The following SEMA5A variants were observed in gnomAD, a reference collection of about 807,000 sequenced individuals.
SEMA5A encodes semaphorin 5A, also known as semaphorin-5A.
In SEMA5A, 55 loss-of-function variants were observed where a neutral mutation model predicts 135.5. The ratio of observed to expected loss-of-function variants is 0.41; its 90% confidence interval spans 0.33 to 0.51. The LOEUF is 0.51. SEMA5A is among the 20% of genes least tolerant of loss of function. The pLI, the probability that SEMA5A is intolerant of heterozygous loss-of-function variation, is 0.37. For missense variants in SEMA5A, 1,290 were observed against 1,419.9 expected (o/e 0.91, Z 1.47); for synonymous variants, 580 against 546.5 (o/e 1.06, Z -0.85).
At chr5:9,297,571 T>C (rs1751402408) in intron 5 of SEMA5A, among the ~76,000 whole-genome samples, 1 of 152,150 alleles carries the variant, frequency 6.6e-6, no homozygotes, top group Non-Finnish European at 1.5e-5. Context: ...TACTTGTTTT[T>C]GAGAGAGTAT....
chr5:9,050,195 G>A (rs999567486), intron 21 of SEMA5A, among the ~76,000 whole-genome samples: 13 of 152,282 alleles, frequency 8.5e-5, no homozygotes, highest in Admixed American at 6.5e-4. Flanking sequence ...TGCCCTGGAC[G>A]TGGGTCTACG....
At chr5:9,359,109 G>A (rs1410889481) in intron 3 of SEMA5A, among the ~76,000 whole-genome samples, 2 of 151,856 alleles carry the variant, frequency 1.3e-5, no homozygotes, top group Admixed American at 6.6e-5. Context: ...ACACACTCAC[G>A]GACACACACA....
chr5:9,058,722 T>A lies in SEMA5A; in HGVS notation c.2518+4165A>T, dbSNP rs1737025068. On this transcript the variant is annotated intron_variant, in intron 18 of 22. Transcript: ENST00000382496. Reference sequence around the variant, plus strand: ...ACTAAGATTTGCTCAACAGGCTTCCTGTGTGTGATCAGAGATGTGAAGCCC... The same window carrying A: ...ACTAAGATTTGCTCAACAGGCTTCCAGTGTGTGATCAGAGATGTGAAGCCC... Among the ~76,000 whole-genome samples the A allele has an allele frequency of 2.0e-5, 3 of 152,198 alleles. No homozygotes were observed. The South Asian group carries it at 6.2e-4, about 32-fold the overall frequency.
intron 16 of SEMA5A, among the ~76,000 whole-genome samples, chr5:9,102,389 C>T (rs1739677977): frequency 6.6e-6 from 1 of 152,112 alleles, no homozygotes; most frequent in Non-Finnish European, 1.5e-5. Flanking sequence ...ATTTCTAAAA[C>T]CCACAGGAAT....
intron 2 of SEMA5A, among the ~76,000 whole-genome samples, chr5:9,420,461 C>T (rs999649480): frequency 3.3e-5 from 5 of 152,130 alleles, no homozygotes; most frequent in Admixed American, 6.5e-5. Flanking sequence ...ATATTAAATA[C>T]CTTACATCAA....
intron 16 of SEMA5A, among the ~76,000 whole-genome samples, chr5:9,087,917 G>A (rs1738792578): frequency 2.6e-5 from 4 of 152,176 alleles, no homozygotes; most frequent in Admixed American, 2.6e-4. Flanking sequence ...TGTATTGACT[G>A]CTTTTTGCTT....
intron 3 of SEMA5A, among the ~76,000 whole-genome samples, chr5:9,372,696 G>A (rs1027540652): frequency 4.6e-5 from 7 of 151,782 alleles, no homozygotes; most frequent in South Asian, 4.2e-4. Flanking sequence ...TGTCACACAC[G>A]TGCAGCCATG....
rs1444632623 is a variant in SEMA5A at position 9,177,191 on chromosome 5, G to A, written c.1273+13076C>T. Among the ~76,000 whole-genome samples the A allele has an allele frequency of 2.6e-5, 4 of 152,158 alleles. No homozygotes were observed. In the South Asian group the frequency reaches 6.2e-4, roughly 24 times the overall value. On this transcript the variant is annotated intron_variant, in intron 11 of 22. Transcript: ENST00000382496. The stretch of plus-strand genomic sequence containing the variant: ...ACAGTACTTAAATTCTTCCTATTTG[G>A]CCAGATGCATAGTTACTTAGAAACC...
At chr5:9,072,133 AC>A (rs1387081499) in intron 16 of SEMA5A, among the ~76,000 whole-genome samples, 2 of 152,216 alleles carry the variant, frequency 1.3e-5, no homozygotes, top group African/African-American at 4.8e-5. Flanking sequence ...TATCCAAATA[AC>A]AAAAAGTTAT....
At chr5:9,196,929 G>A (rs1050994905) in intron 10 of SEMA5A, among the ~76,000 whole-genome samples, 2 of 152,102 alleles carry the variant, frequency 1.3e-5, no homozygotes, top group South Asian at 4.1e-4. Flanking sequence ...GCCTTTTTCC[G>A]CCCAGTCTCA....
At chr5:9,331,757 T>A (rs1753142617) in intron 4 of SEMA5A, among the ~76,000 whole-genome samples, 1 of 152,362 alleles carries the variant, frequency 6.6e-6, no homozygotes, top group African/African-American at 2.4e-5. Flanking sequence ...TTGTTAAAAT[T>A]TTAATGCACC....
intron 1 of SEMA5A, among the ~76,000 whole-genome samples, chr5:9,502,777 G>A (rs1004664214): frequency 4.6e-5 from 7 of 152,288 alleles, no homozygotes; most frequent in African/African-American, 1.7e-4. Flanking sequence ...GAAAACAGGG[G>A]CCACTCTACA....
At chr5:9,362,976 CATA>C (rs1278109756) in intron 3 of SEMA5A, among the ~76,000 whole-genome samples, 4 of 152,182 alleles carry the variant, frequency 2.6e-5, no homozygotes, top group Non-Finnish European at 5.9e-5. Flanking sequence ...CTCACCTCAG[CATA>C]ATATTTGTAA....
intron 2 of SEMA5A, among the ~76,000 whole-genome samples, chr5:9,413,890 T>A (rs1757191694): frequency 6.6e-6 from 1 of 152,200 alleles, no homozygotes. Flanking sequence ...AGTTTATCGC[T>A]GGTCCTTTCA....
At chr5:9,290,150 T>C (rs1751008401) in intron 5 of SEMA5A, among the ~76,000 whole-genome samples, 1 of 152,180 alleles carries the variant, frequency 6.6e-6, no homozygotes, top group Non-Finnish European at 1.5e-5. Flanking sequence ...GGGGCACCTA[T>C]CACCCAAGCA....
intron 5 of SEMA5A, among the ~76,000 whole-genome samples, chr5:9,279,104 T>C (rs890850434): frequency 1.3e-5 from 2 of 152,176 alleles, no homozygotes; most frequent in Admixed American, 6.5e-5. Flanking sequence ...CGCCAGCCCA[T>C]GAAAGCAGCC....
intron 14 of SEMA5A, among the ~76,000 whole-genome samples, chr5:9,120,921 G>A (rs1740783102): frequency 6.6e-6 from 1 of 152,016 alleles, no homozygotes; most frequent in African/African-American, 2.4e-5. Flanking sequence ...TGGGATTACA[G>A]GCATGTGCCA....
At chr5:9,309,465 C>G (rs576612763) in intron 5 of SEMA5A, among the ~76,000 whole-genome samples, 1 of 152,094 alleles carries the variant, frequency 6.6e-6, no homozygotes, top group Non-Finnish European at 1.5e-5. Context: ...TGAGTTATGG[C>G]CAGTGGAATT....
chr5:9,358,276 A>G (rs1193312269), intron 3 of SEMA5A, among the ~76,000 whole-genome samples: 2 of 151,876 alleles, frequency 1.3e-5, no homozygotes, highest in African/African-American at 4.8e-5. Context: ...TTACCTTCAA[A>G]CCCATTTTCA....
Sources: gnomAD v4.1 joint callset for allele counts (sites outside exome capture counted in the v4.1 genomes callset) on GRCh38, gnomAD v4.1.1 for gene constraint, MANE v1.5 for transcripts, NCBI Gene and HGNC (gene_info 2026-07-23, HGNC 2026-07-21) for gene names.